The following ATP2B2 variants were observed in gnomAD, a reference collection of about 807,000 sequenced individuals.
ATP2B2 encodes ATPase plasma membrane Ca2+ transporting 2.
A neutral mutation model predicts 120.0 loss-of-function variants in ATP2B2; 15 were observed. The ratio of observed to expected loss-of-function variants is 0.12; its 90% CI spans 0.08 to 0.19. The LOEUF is 0.19. ATP2B2 is among the 10% of genes least tolerant of loss of function. ATP2B2 has a pLI of 1.00. For missense variants in ATP2B2, 1,045 were observed against 1,719.8 expected (o/e 0.61, Z 6.94); for synonymous variants, 694 against 700.3 (o/e 0.99, Z 0.14).
At chr3:10,422,758 T>G (rs2063027405) in intron 2 of ATP2B2, among the ~76,000 whole-genome samples, 1 of 152,266 alleles carries the variant, frequency 6.6e-6, no homozygotes, top group Non-Finnish European at 1.5e-5. Context: ...CATTCGCTTA[T>G]GTGCACCCAT....
chr3:10,697,418 A>T (rs2125717505), intron 1 of ATP2B2, among the ~76,000 whole-genome samples: 2 of 152,310 alleles, frequency 1.3e-5, no homozygotes, highest in Middle Eastern at 3.4e-3. Flanking sequence ...GGACAGAAGG[A>T]TCTACTCCAT....
chr3:10,659,477 T>A (rs1399299787), intron 1 of ATP2B2, among the ~76,000 whole-genome samples: 5 of 151,938 alleles, frequency 3.3e-5, no homozygotes, highest in South Asian at 2.1e-4. Flanking sequence ...TTAAACAAAC[T>A]AAGATCAAAA....
rs982496935 is a variant in ATP2B2, at chr3:10,327,006, T to C, written c.*1808A>G. 2.8e-5 allele frequency: 11 copies of C among 397,752 alleles called. No individual in the cohort carries two copies. The highest frequency in any genetic ancestry group is 2.3e-4 in the African/African-American group (11 of 48,622). The allele number at this position is 397,752 out of a possible 1,614,324, so 24.6% of individuals were successfully genotyped here. On this transcript the variant is annotated 3_prime_UTR_variant, in exon 23 of 23. Coordinates refer to ENST00000360273, the MANE Select transcript of ATP2B2 (RefSeq NM_001001331.4). ...AAAGTGTTTGGTTTTCCTCGAAGCA[T>C]GGGACATCATCGATCATGGTATTCA...
intron 2 of ATP2B2, among the ~76,000 whole-genome samples, chr3:10,555,959 C>G (rs1038582809): frequency 3.9e-5 from 6 of 152,172 alleles, no homozygotes; most frequent in Non-Finnish European, 8.8e-5. Context: ...AGTGCAGTGG[C>G]ACAATCTTGG....
At chr3:10,590,806 G>A (rs2068626784) in intron 2 of ATP2B2, among the ~76,000 whole-genome samples, 1 of 152,182 alleles carries the variant, frequency 6.6e-6, no homozygotes, top group Non-Finnish European at 1.5e-5. Flanking sequence ...CCGTGCATGT[G>A]CCTTCAAGAC....
chr3:10,452,705 C>T (rs932968045), intron 1 of ATP2B2, among the ~76,000 whole-genome samples: 19 of 152,092 alleles, frequency 1.2e-4, no homozygotes, highest in East Asian at 1.9e-4. Flanking sequence ...GGCTGAACCC[C>T]GCTGGAGGGG....
At chr3:10,671,211 A>G (rs992987457) in intron 1 of ATP2B2, among the ~76,000 whole-genome samples, 4 of 152,206 alleles carry the variant, frequency 2.6e-5, no homozygotes, top group Non-Finnish European at 5.9e-5. Context: ...AAGAAAGCAG[A>G]GTTGGAATGC....
At chr3:10,611,816 T>TA (rs1369466759) in intron 2 of ATP2B2, among the ~76,000 whole-genome samples, 1 of 152,160 alleles carries the variant, frequency 6.6e-6, no homozygotes, top group Non-Finnish European at 1.5e-5. Flanking sequence ...CTCTAAGCCT[T>TA]AGTTTTCTCA....
At position 10,692,244 on chromosome 3, in the gene ATP2B2, T is replaced by C. The variant is rs1245285476; in HGVS notation, c.-460+15671A>G. On this transcript the variant is annotated intron_variant, in intron 1 of 21. Coordinates refer to the ATP2B2 transcript ENST00000646379. Reference sequence around the variant, plus strand: ...TCAAAGGGCAGGCAGAGTTAACACATAGATGCAGGCATTAGGATCTGCTTT... The same window carrying C: ...TCAAAGGGCAGGCAGAGTTAACACACAGATGCAGGCATTAGGATCTGCTTT... 5.3e-5 allele frequency among the ~76,000 whole-genome samples: 8 copies of C among 152,374 alleles called. No individual in the cohort carries two copies. In the East Asian group the frequency reaches 1.3e-3, roughly 26 times the overall value.
At chr3:10,519,198 C>G (rs76601080) in intron 3 of ATP2B2, among the ~76,000 whole-genome samples, 1 of 152,188 alleles carries the variant, frequency 6.6e-6, no homozygotes, top group African/African-American at 2.4e-5. Context: ...ATCTGTACTC[C>G]GGGCACTGTG....
chr3:10,370,299 G>A (rs1559239688), intron 12 of ATP2B2, among the ~76,000 whole-genome samples: 2 of 152,222 alleles, frequency 1.3e-5, no homozygotes, highest in African/African-American at 2.4e-5. Flanking sequence ...GCTGAAGCCC[G>A]TTCTGGGAAT....
At chr3:10,331,711 A>AT (rs1283581360) in intron 22 of ATP2B2, among the ~76,000 whole-genome samples, 4 of 95,764 alleles carry the variant, frequency 4.2e-5, no homozygotes, top group African/African-American at 1.0e-4. Context: ...TAAAGGTAGG[A>AT]ATTTTTTTTT....
At position 10,683,786 on chromosome 3, in the gene ATP2B2, A is replaced by G. The variant is rs867602976; in HGVS notation, c.-460+24129T>C. On this transcript the variant is annotated intron_variant, in intron 1 of 21. Transcript: ENST00000646379. ...TATATATATATATATATATATATAT[A>G]TATATATATATATATATATGTAAAG... 6.4e-3 allele frequency among the ~76,000 whole-genome samples: 788 copies of G among 123,492 alleles called. 52 individuals carry two copies. Among genetic ancestry groups the G allele is most frequent in the African/African-American group, 0.019 (613 of 32,886 alleles). 81.0% of individuals were successfully genotyped at this position (123,492 alleles called of 152,430 possible).
At chr3:10,501,055 G>A (rs1226154540) in intron 1 of ATP2B2, among the ~76,000 whole-genome samples, 4 of 152,106 alleles carry the variant, frequency 2.6e-5, no homozygotes, top group Admixed American at 2.6e-4. Flanking sequence ...CTGACCCTCA[G>A]ACCAACACAC....
At chr3:10,545,972 G>T (rs1412325598) in intron 2 of ATP2B2, among the ~76,000 whole-genome samples, 1 of 152,188 alleles carries the variant, frequency 6.6e-6, no homozygotes, top group Admixed American at 6.5e-5. Flanking sequence ...AATTACTATG[G>T]TTATGGTATG....
chr3:10,377,497 G>A (rs746885047), intron 10 of ATP2B2, among the ~76,000 whole-genome samples: 1 of 152,232 alleles, frequency 6.6e-6, no homozygotes, highest in Non-Finnish European at 1.5e-5. Flanking sequence ...CTTGGCATTT[G>A]CTACCTCCTT....
intron 5 of ATP2B2, among the ~76,000 whole-genome samples, chr3:10,397,534 G>A (rs909370039): frequency 3.3e-5 from 5 of 152,178 alleles, no homozygotes; most frequent in Admixed American, 3.3e-4. Context: ...CTGCCACAGG[G>A]CAGTGGTGGT....
At chr3:10,443,340 G>A (rs556244192) in intron 2 of ATP2B2, among the ~76,000 whole-genome samples, 13 of 152,178 alleles carry the variant, frequency 8.5e-5, no homozygotes, top group Non-Finnish European at 1.5e-5. Flanking sequence ...TTGGGGTCTT[G>A]GTGGACTGAC....
intron 2 of ATP2B2, among the ~76,000 whole-genome samples, chr3:10,593,267 T>G (rs2068685837): frequency 6.6e-6 from 1 of 152,234 alleles, no homozygotes; most frequent in Non-Finnish European, 1.5e-5. Flanking sequence ...TAAACCCTAC[T>G]AAGTCTGCAG....
Sources: gnomAD v4.1 joint callset for allele counts (sites outside exome capture counted in the v4.1 genomes callset) on GRCh38, gnomAD v4.1.1 for gene constraint, MANE v1.5 for transcripts, NCBI Gene and HGNC (gene_info 2026-07-23, HGNC 2026-07-21) for gene names.